Variants in PTPN7 observed in about 807,000 individuals in gnomAD.
PTPN7 encodes tyrosine-protein phosphatase non-receptor type 7.
Under a neutral mutation model 50.3 loss-of-function variants are expected in PTPN7, and 33 were observed. That is an observed-to-expected ratio of 0.66 (90% CI 0.50 to 0.88). The LOEUF (loss-of-function observed/expected upper bound fraction) is 0.88. PTPN7 is among the 40% of genes least tolerant of loss of function. The pLI is 0.00. For missense variants in PTPN7, 412 were observed against 475.4 expected (o/e 0.87, Z 1.24); for synonymous variants, 185 against 186.6 (o/e 0.99, Z 0.07).
intron 8 of PTPN7, among the ~76,000 whole-genome samples, chr1:202,151,254 C>T (rs1028434597): frequency 1.8e-4 from 28 of 152,218 alleles, no homozygotes; most frequent in African/African-American, 6.8e-4. Flanking sequence ...TTACCCCACA[C>T]ACAACCTCTG....
chr1:202,160,432 C>A lies in PTPN7; in HGVS notation c.-53+113G>T, dbSNP rs1459130140. The A allele has an allele frequency of 7.1e-6, 8 of 1,133,164 alleles. No homozygotes were observed. Among genetic ancestry groups the A allele is most frequent in the Admixed American group, 4.8e-5 (2 of 41,282 alleles). The allele number at this position is 1,133,164 out of a possible 1,614,324, so 70.2% of individuals were successfully genotyped here. ...TGAGCACCCATACCCCAGCCAGGCA[C>A]TGTGGCGCCCCACTCGCCCTCCCGC... On this transcript the variant is annotated intron_variant, in intron 1 of 9. Transcript: ENST00000691036. The surrounding 1 kb of genome is among the most constrained non-coding windows in gnomAD (Gnocchi z 4.8).
In PTPN7 at chr1:202,159,502, C is replaced by G. The variant is rs1657110488; in HGVS notation, c.-52-48G>C. 1 of 1,579,976 alleles carries G rather than the reference C, an allele frequency of 6.3e-7. No homozygotes were observed. Among genetic ancestry groups the G allele is most frequent in the Non-Finnish European group, 8.6e-7 (1 of 1,158,816 alleles). ...GCTGTTCTCTGGCCTGCCTGATTGGCCAGAAGGAGGCTCCCATGCCAGGCC... is the reference window on the plus strand; with the variant it reads ...GCTGTTCTCTGGCCTGCCTGATTGGGCAGAAGGAGGCTCCCATGCCAGGCC... On this transcript the variant is annotated intron_variant, in intron 1 of 9. Coordinates refer to ENST00000691036, the MANE Select transcript of PTPN7 (RefSeq NM_002832.4). The surrounding 1 kb of genome is among the most constrained non-coding windows in gnomAD (Gnocchi z 4.6).
chr1:202,155,726 A>ATAGCAGGTGGCC, intron 4 of PTPN7, 117 bp from the exon 5 acceptor site: 1 of 864,082 alleles, frequency 1.2e-6, no homozygotes, highest in African/African-American at 1.7e-5. Context: ...CACCTTGTGT[A>ATAGCAGGTGGCC]TAGCAGGTGG....
At chr1:202,158,982 G>T (rs1296504348) in intron 2 of PTPN7, 2 of 409,470 alleles carry the variant, frequency 4.9e-6, no homozygotes, top group Non-Finnish European at 9.1e-6. Flanking sequence ...GCTCCTTCCA[G>T]CTGCCTGCCT....
rs900792000 is a variant in PTPN7 at position 202,148,578 on chromosome 1, C to G, written c.*28G>C. 1 of 1,600,154 alleles carries G rather than the reference C, an allele frequency of 6.2e-7. No individual in the cohort carries two copies. Among genetic ancestry groups the G allele is most frequent in the African/African-American group, 1.3e-5 (1 of 74,630 alleles). ...CCTTCCCAGGCTTGAGGGAGGTAGG[C>G]ACCTGGGCCACCGGAGGGTGGCAGG... is the stretch of plus-strand genomic sequence containing the variant. On this transcript the variant is annotated 3_prime_UTR_variant, in exon 10 of 10. Coordinates refer to ENST00000691036, the MANE Select transcript of PTPN7 (RefSeq NM_002832.4).
intron 4 of PTPN7, among the ~76,000 whole-genome samples, chr1:202,156,840 AG>A (rs1397331007): frequency 6.6e-6 from 1 of 152,092 alleles, no homozygotes. Context: ...AGGGAGGGAG[AG>A]GCTCCGGGGC....
intron 2 of PTPN7, chr1:202,158,872 C>T (rs1160924087): frequency 1.6e-5 from 3 of 184,256 alleles, no homozygotes; most frequent in East Asian, 1.5e-4. Context: ...GATCCTCTCA[C>T]CTCAGCCTCC....
chr1:202,161,008 AGCCCTCTCCCTCAAG>A (rs201144129), upstream of PTPN7: 28,550 of 1,406,946 alleles, frequency 0.02, 2,414 homozygotes, highest in East Asian at 0.22. Context: ...TCTGCCCCAC[AGCCCTCTCCCTCAAG>A]GCCCTCTCCC....
intron 4 of PTPN7, among the ~76,000 whole-genome samples, chr1:202,155,947 C>T (rs569470937): frequency 2.0e-5 from 3 of 152,196 alleles, no homozygotes; most frequent in South Asian, 2.1e-4. Context: ...TATTTATTTA[C>T]GTTTTTTGTA....
In PTPN7 at chr1:202,159,668, T is replaced by C. The variant is rs1571766597; in HGVS notation, c.-52-214A>G. 2.1e-6 allele frequency: 3 copies of C among 1,411,854 alleles called. No individual in the cohort carries two copies. Among genetic ancestry groups the C allele is most frequent in the Non-Finnish European group, 1.8e-6 (2 of 1,084,934 alleles). 87.5% of individuals were successfully genotyped at this position (1,411,854 alleles called of 1,614,324 possible). A position where few individuals can be genotyped will look rare whatever the true frequency, so the allele number is the denominator to read the frequency against. The stretch of plus-strand genomic sequence containing the variant: ...GGTAGAGTAACGGCAAGATAAAGGG[T>C]AGAGATTGTGGATGAAGATAGGAAA... On this transcript the variant is annotated intron_variant, in intron 1 of 9. Transcript: ENST00000691036. The surrounding 1 kb of genome is among the most constrained non-coding windows in gnomAD (Gnocchi z 4.6).
intron 8 of PTPN7, 120 bp from the exon 9 acceptor site, chr1:202,150,544 C>T: frequency 1.4e-6 from 1 of 732,292 alleles, no homozygotes; most frequent in Non-Finnish European, 2.3e-6. Flanking sequence ...GGATAGGGCT[C>T]TGGAGATGGA....
At chr1:202,153,690 A>G (rs1195235602) in intron 7 of PTPN7, 35 bp downstream of exon 7, 1 of 1,561,946 alleles carries the variant, frequency 6.4e-7, no homozygotes, top group Non-Finnish European at 8.8e-7. Context: ...GGGCGGCCCA[A>G]CTTCCCACTG....
chr1:202,156,417 G>A (rs1340533496), intron 4 of PTPN7, among the ~76,000 whole-genome samples: 1 of 152,244 alleles, frequency 6.6e-6, no homozygotes, highest in Non-Finnish European at 1.5e-5. Flanking sequence ...TAGCTGTGAA[G>A]TGGGACTAGG....
rs537406521 is a variant in PTPN7, at chr1:202,147,841, A to T, written c.*765T>A. ...TAGTTGGTGGGAGTGGCCAGCAACC[A>T]TGGAGGCAGGAGCAGCTCCTCTTTG... On this transcript the variant is annotated 3_prime_UTR_variant, in exon 10 of 10. Coordinates refer to ENST00000691036, the MANE Select transcript of PTPN7 (RefSeq NM_002832.4). The T allele has an allele frequency of 6.6e-6, 1 of 152,248 alleles. No homozygotes were observed. The highest frequency in any genetic ancestry group is 1.9e-4 in the East Asian group (1 of 5,154). 9.4% of individuals were successfully genotyped at this position (152,248 alleles called of 1,614,324 possible).
intron 7 of PTPN7, 100 bp from the exon 8 acceptor site, chr1:202,152,799 T>TG (rs1178451469): frequency 4.0e-5 from 55 of 1,373,314 alleles, no homozygotes; most frequent in Middle Eastern, 1.9e-4. Flanking sequence ...AATTACCCTG[T>TG]GGGGGGGTCA....
chr1:202,153,576 G>A, intron 7 of PTPN7, 149 bp downstream of exon 7: 2 of 644,548 alleles, frequency 3.1e-6, no homozygotes, highest in Non-Finnish European at 2.7e-6. Context: ...GCTGAGGACA[G>A]TGCTCAAGTT....
Position 202,159,678 on chromosome 1 carries a change from G to A in PTPN7, c.-52-224C>T. ...CGGCAAGATAAAGGGTAGAGATTGT[G>A]GATGAAGATAGGAAAGAATCCAGAA... On this transcript the variant is annotated intron_variant, in intron 1 of 9. Coordinates refer to ENST00000691036, the MANE Select transcript of PTPN7 (RefSeq NM_002832.4). This position sits in a 1 kb window ranked among gnomAD's most constrained non-coding sequence, Gnocchi z 4.6. 7.2e-7 allele frequency: 1 copy of A among 1,393,218 alleles called. No individual in the cohort carries two copies. 86.3% of individuals were successfully genotyped at this position (1,393,218 alleles called of 1,614,324 possible). A position where few individuals can be genotyped will look rare whatever the true frequency, so the allele number is the denominator to read the frequency against.
chr1:202,148,816 G>T, intron 9 of PTPN7, 117 bp from the exon 10 acceptor site: 2 of 550,528 alleles, frequency 3.6e-6, no homozygotes, highest in Non-Finnish European at 6.0e-6. Context: ...CAAAGAACAT[G>T]CCAACTCCTT....
intron 4 of PTPN7, 53 bp downstream of exon 4, chr1:202,157,686 C>T: frequency 6.5e-7 from 1 of 1,527,870 alleles, no homozygotes; most frequent in Non-Finnish European, 9.1e-7. Flanking sequence ...CTCTGAAGTT[C>T]TCTAGCCCCA....
Sources: gnomAD v4.1 joint callset for allele counts (sites outside exome capture counted in the v4.1 genomes callset) on GRCh38, gnomAD v4.1.1 for gene constraint, Gnocchi (gnomAD v3.1) non-coding constraint, MANE v1.5 for transcripts, NCBI Gene and HGNC (gene_info 2026-07-23, HGNC 2026-07-21) for gene names.